CENPU: variants seen among roughly 807,000 people sequenced by gnomAD.
CENPU encodes KSHV latent nuclear antigen interacting protein 1.
A neutral mutation model predicts 56.7 loss-of-function variants in CENPU; 46 were observed. The observed-to-expected ratio is 0.81, with a 90% CI of 0.64 to 1.04. The LOEUF is 1.04. Ranked by LOEUF, CENPU falls within the 50% of genes least tolerant of loss-of-function variation. CENPU has a pLI of 0.00. For missense variants in CENPU, 510 were observed against 490.1 expected, an observed-to-expected ratio of 1.04 and a Z score of -0.38; for synonymous variants, 166 against 163.0, an observed-to-expected ratio of 1.02 and a Z score of -0.14.
chr4:184,720,042 C>CA (rs1389608051), intron 4 of CENPU, among the ~76,000 whole-genome samples: 1 of 152,056 alleles, frequency 6.6e-6, no homozygotes, highest in Non-Finnish European at 1.5e-5. Context: ...AATAAGGCAC[C>CA]AGGGACCAAT....
At chr4:184,721,771 A>G (rs2150224192) in intron 4 of CENPU, among the ~76,000 whole-genome samples, 1 of 152,314 alleles carries the variant, frequency 6.6e-6, no homozygotes, top group South Asian at 2.1e-4. Context: ...TTAGAGCTAA[A>G]GGGAGAGACA....
chr4:184,720,772 A>G (rs1359066572), intron 4 of CENPU, among the ~76,000 whole-genome samples: 1 of 152,178 alleles, frequency 6.6e-6, no homozygotes, highest in Non-Finnish European at 1.5e-5. Context: ...ACCCTAGAAT[A>G]ATATATCTGG....
At chr4:184,698,726 G>C (rs896876369) in intron 11 of CENPU, among the ~76,000 whole-genome samples, 2 of 152,204 alleles carry the variant, frequency 1.3e-5, no homozygotes, top group Non-Finnish European at 2.9e-5. Flanking sequence ...TGGGACTACA[G>C]GCGTGAGCCA....
intron 4 of CENPU, among the ~76,000 whole-genome samples, chr4:184,720,293 GA>G (rs2150222721): frequency 6.6e-6 from 1 of 152,114 alleles, no homozygotes; most frequent in Non-Finnish European, 1.5e-5. Flanking sequence ...GCAGAAGAAA[GA>G]ATTAGTGAGC....
intron 1 of CENPU, chr4:184,733,529 T>C (rs4862407): frequency 0.65 from 323,767 of 497,758 alleles, 106,493 homozygotes; most frequent in Middle Eastern, 0.69. Context: ...CGAGCCATCC[T>C]GGAGAACCGC....
chr4:184,722,675 G>C (rs1241118344), intron 4 of CENPU, among the ~76,000 whole-genome samples: 2 of 148,902 alleles, frequency 1.3e-5, no homozygotes, highest in African/African-American at 4.9e-5. Context: ...TTTGTCAAAA[G>C]AGAGATGAAC....
At chr4:184,718,058 T>C (rs966545577) in intron 4 of CENPU, among the ~76,000 whole-genome samples, 9 of 152,184 alleles carry the variant, frequency 5.9e-5, no homozygotes, top group South Asian at 4.1e-4. Context: ...GGCACCCACA[T>C]AGGCATGCTG....
chr4:184,709,860 A>G (rs1440782087), intron 8 of CENPU, among the ~76,000 whole-genome samples: 1 of 152,120 alleles, frequency 6.6e-6, no homozygotes, highest in African/African-American at 2.4e-5. Flanking sequence ...TAGAAGGTTA[A>G]TACAAAAATA....
At chr4:184,733,902 G>A (rs979855417) in intron 1 of CENPU, 114 bp downstream of exon 1, 2 of 1,428,842 alleles carry the variant, frequency 1.4e-6, no homozygotes, top group Admixed American at 1.7e-5. Flanking sequence ...TTGGCCACTC[G>A]GGCGACCTCC....
Position 184,716,486 on chromosome 4 carries a change from G to C in CENPU, c.529C>G (p.Pro177Ala), listed in dbSNP as rs561684172. 6.2e-7 allele frequency: 1 copy of C among 1,614,150 alleles called. No individual in the cohort carries two copies. Among genetic ancestry groups the C allele is most frequent in the Admixed American group, 1.7e-5 (1 of 60,012 alleles). ...TTTTTAGAAGTGACAGACTCAGCTG[G>C]TTTCTCTGAAAGTTCTGAAGACGCT... ...TTASSELSEKPAESVTSKKTG... is the reference protein window; with the variant it reads ...TTASSELSEKAAESVTSKKTG... Residue 177 changes from proline to alanine, a missense_variant, in exon 6 of 13, where the codon CCA becomes GCA. Physicochemically the swap from Pro to Ala is conservative, Grantham distance 27 (BLOSUM62 -1). Transcript: ENST00000281453.
chr4:184,694,675 G>C lies in CENPU; in HGVS notation c.*613C>G, dbSNP rs760175157. The C allele has an allele frequency of 1.2e-6, 2 of 1,614,128 alleles. No homozygotes were observed. The highest frequency in any genetic ancestry group is 1.7e-6 in the Non-Finnish European group (2 of 1,179,976). ...TGATGCTTATTTTTTAGAAGCTACTGAAGATGCTGAATTAGCTGAAGCTGC... is the reference window on the plus strand; with the variant it reads ...TGATGCTTATTTTTTAGAAGCTACTCAAGATGCTGAATTAGCTGAAGCTGC... On this transcript the variant is annotated 3_prime_UTR_variant, in exon 13 of 13. Coordinates refer to ENST00000281453, the MANE Select transcript of CENPU (RefSeq NM_024629.4).
Position 184,733,997 on chromosome 4 carries a change from G to A in CENPU, c.47+19C>T. On this transcript the variant is annotated intron_variant, in intron 1 of 12. Transcript: ENST00000281453. ...AGCTGGTCTCCGGCCCCGCGCTCCCGAGGGTCGGCAGTACTTACCCCTCAG... is the reference window on the plus strand; with the variant it reads ...AGCTGGTCTCCGGCCCCGCGCTCCCAAGGGTCGGCAGTACTTACCCCTCAG... 6.2e-7 allele frequency: 1 copy of A among 1,610,304 alleles called. No homozygotes were observed. The highest frequency in any genetic ancestry group is 1.1e-5 in the South Asian group (1 of 90,798).
At chr4:184,733,964 G>A (rs1761748477) in intron 1 of CENPU, 52 bp downstream of exon 1, 1 of 1,607,756 alleles carries the variant, frequency 6.2e-7, no homozygotes, top group Non-Finnish European at 8.5e-7. Context: ...AGGCGAGGAA[G>A]CAGTTCAAGC....
intron 1 of CENPU, among the ~76,000 whole-genome samples, chr4:184,732,542 G>A (rs6845058): frequency 0.8 from 121,817 of 152,118 alleles, 49,598 homozygotes; most frequent in East Asian, 1. Flanking sequence ...CACATAGCCA[G>A]GTAACAGAAA....
chr4:184,695,991 C>T (rs570995208), intron 12 of CENPU, among the ~76,000 whole-genome samples: 1 of 152,246 alleles, frequency 6.6e-6, no homozygotes, highest in African/African-American at 2.4e-5. Flanking sequence ...ACATAAAATA[C>T]AATATCCAAC....
At chr4:184,724,917 A>G in intron 4 of CENPU, 40 bp downstream of exon 4, 1 of 1,302,174 alleles carries the variant, frequency 7.7e-7, no homozygotes, top group Admixed American at 2.0e-5. Context: ...CAGAAATCCC[A>G]TTAACCATGA....
chr4:184,712,278 T>C (rs970487205), intron 7 of CENPU, among the ~76,000 whole-genome samples: 2 of 152,126 alleles, frequency 1.3e-5, no homozygotes, highest in African/African-American at 4.8e-5. Context: ...CATAGATGGA[T>C]TGCAAAAAAA....
At chr4:184,721,147 T>G (rs1457031869) in intron 4 of CENPU, among the ~76,000 whole-genome samples, 1 of 152,210 alleles carries the variant, frequency 6.6e-6, no homozygotes, top group East Asian at 1.9e-4. Context: ...ATTAGTTTTC[T>G]TTTTGCTTGT....
chr4:184,697,485 T>G (rs190605497), intron 12 of CENPU, among the ~76,000 whole-genome samples, 162 bp downstream of exon 12: 55 of 152,308 alleles, frequency 3.6e-4, no homozygotes, highest in African/African-American at 1.3e-3. Flanking sequence ...AGAAAAGTGC[T>G]GATATAATGA....
Sources: allele counts gnomAD v4.1 joint callset (sites outside exome capture counted in the v4.1 genomes callset), GRCh38; gene constraint gnomAD v4.1.1; transcripts MANE v1.5; gene names NCBI Gene and HGNC (gene_info 2026-07-23, HGNC 2026-07-21).